Variants in AGBL1 observed in about 807,000 individuals in gnomAD.
The protein encoded by AGBL1 is cytosolic carboxypeptidase 4.
A neutral mutation model predicts 118.9 loss-of-function variants in AGBL1; 130 were observed. The ratio of observed to expected loss-of-function variants is 1.09; its 90% CI spans 0.95 to 1.26. The LOEUF (loss-of-function observed/expected upper bound fraction) is 1.26. Ranked by LOEUF, AGBL1 falls within the 50% of genes most tolerant of loss-of-function variation. AGBL1 has a pLI of 0.00. For synonymous variants in AGBL1, 555 were observed against 478.9 expected, an observed-to-expected ratio of 1.16 and a Z score of -2.08; for missense variants, 1,584 against 1,298.1, an observed-to-expected ratio of 1.22 and a Z score of -3.38.
At chr15:86,670,458 G>T (rs2085720930) in intron 21 of AGBL1, among the ~76,000 whole-genome samples, 1 of 151,774 alleles carries the variant, frequency 6.6e-6, no homozygotes, top group South Asian at 2.1e-4. Context: ...ACAAAAATTA[G>T]CTGGGTGTGG....
In AGBL1 at chr15:86,143,778, G is replaced by A. The variant is rs932726397; in HGVS notation, c.195G>A (p.Arg65=). 3.1e-6 allele frequency: 5 copies of A among 1,613,918 alleles called. No individual in the cohort carries two copies. In the African/African-American group the frequency reaches 4.0e-5, roughly 13 times the overall value. ...ALLQTLVDTA[R]TAPPDYDILL... ...TGCAGACCCTGGTAGACACAGCGAGGACAGCTCCTCCAGACTATGACATCC... is the reference window on the plus strand; with the variant it reads ...TGCAGACCCTGGTAGACACAGCGAGAACAGCTCCTCCAGACTATGACATCC... Residue 65 remains arginine (R), a synonymous_variant, in exon 3 of 23, where the codon AGG becomes AGA. Coordinates refer to ENST00000614907, the MANE Select transcript of AGBL1 (RefSeq NM_001386094.1).
At chr15:86,278,168 A>G (rs2079287752) in intron 15 of AGBL1, among the ~76,000 whole-genome samples, 1 of 152,218 alleles carries the variant, frequency 6.6e-6, no homozygotes, top group African/African-American at 2.4e-5. Context: ...AGTAGACCTA[A>G]TTAGCCATTG....
intron 1 of AGBL1, among the ~76,000 whole-genome samples, chr15:86,084,660 A>T (rs181480798): frequency 1.3e-5 from 2 of 152,312 alleles, no homozygotes; most frequent in East Asian, 3.9e-4. Flanking sequence ...GGCAATATGA[A>T]TTTTCTACAG....
At chr15:86,788,921 G>C (rs2078453252) in intron 22 of AGBL1, among the ~76,000 whole-genome samples, 1 of 152,212 alleles carries the variant, frequency 6.6e-6, no homozygotes, top group Non-Finnish European at 1.5e-5. Context: ...GGGGTTCACA[G>C]ATAAGCACAA....
intron 24 of AGBL1, chr15:87,028,812 T>C (rs2081759549): frequency 1.2e-6 from 2 of 1,604,264 alleles, no homozygotes; most frequent in Non-Finnish European, 1.7e-6. Context: ...ATATATTTCT[T>C]ATTCCTTCTC....
chr15:86,930,886 G>A (rs1315733207), intron 23 of AGBL1, among the ~76,000 whole-genome samples: 1 of 152,182 alleles, frequency 6.6e-6, no homozygotes, highest in Non-Finnish European at 1.5e-5. Flanking sequence ...AGTCAAGGAA[G>A]TTAGAGTTGC....
intron 5 of AGBL1, among the ~76,000 whole-genome samples, chr15:86,201,181 G>A (rs2077901604): frequency 6.6e-6 from 1 of 152,024 alleles, no homozygotes; most frequent in African/African-American, 2.4e-5. Flanking sequence ...AATAGTCCAG[G>A]CTACCAGTGT....
intron 9 of AGBL1, among the ~76,000 whole-genome samples, chr15:86,260,119 TGA>T (rs1341246494): frequency 6.6e-6 from 1 of 152,180 alleles, no homozygotes; most frequent in Non-Finnish European, 1.5e-5. Flanking sequence ...GAGAGGAGCA[TGA>T]GAGTCAGGGC....
At chr15:86,828,714 T>C (rs2079064785) in intron 22 of AGBL1, among the ~76,000 whole-genome samples, 1 of 152,062 alleles carries the variant, frequency 6.6e-6, no homozygotes, top group Non-Finnish European at 1.5e-5. Flanking sequence ...TTCAGAAATA[T>C]AACAGAATAC....
intron 22 of AGBL1, among the ~76,000 whole-genome samples, chr15:86,757,162 T>G (rs1403052115): frequency 6.6e-6 from 1 of 152,102 alleles, no homozygotes; most frequent in Non-Finnish European, 1.5e-5. Flanking sequence ...TAACATTAGA[T>G]GCTGACTTCT....
At chr15:86,983,726 A>G (rs2081253532) in intron 23 of AGBL1, among the ~76,000 whole-genome samples, 2 of 152,182 alleles carry the variant, frequency 1.3e-5, no homozygotes, top group Admixed American at 6.5e-5. Flanking sequence ...TCAAACAACC[A>G]GTATCAGCTG....
At chr15:86,394,534 A>G (rs1382752721) in intron 17 of AGBL1, among the ~76,000 whole-genome samples, 2 of 152,100 alleles carry the variant, frequency 1.3e-5, no homozygotes, top group Admixed American at 6.6e-5. Flanking sequence ...TAGCAAAAAC[A>G]TGAGTACAGT....
intron 22 of AGBL1, among the ~76,000 whole-genome samples, chr15:86,770,749 A>G (rs981247592): frequency 2.6e-5 from 4 of 151,972 alleles, no homozygotes; most frequent in Admixed American, 2.0e-4. Flanking sequence ...ATTTCCTGCT[A>G]GAGAACTTTG....
intron 24 of AGBL1, among the ~76,000 whole-genome samples, chr15:86,992,774 C>G (rs1372757245): frequency 1.3e-5 from 2 of 150,612 alleles, no homozygotes; most frequent in Non-Finnish European, 2.9e-5. Flanking sequence ...TGCTCAATAT[C>G]AACAATGCCT....
At chr15:86,095,532 C>A (rs1033669476) in intron 1 of AGBL1, among the ~76,000 whole-genome samples, 5 of 151,542 alleles carry the variant, frequency 3.3e-5, no homozygotes, top group Admixed American at 3.3e-4. Flanking sequence ...AATATTATAA[C>A]AAAAGATACT....
At chr15:86,154,849 G>A (rs541706974) in intron 4 of AGBL1, among the ~76,000 whole-genome samples, 8 of 150,966 alleles carry the variant, frequency 5.3e-5, no homozygotes, top group South Asian at 2.1e-4. Flanking sequence ...TTTTCTATTC[G>A]TACTACAAGG....
Position 86,634,988 on chromosome 15 carries a change from C to T in AGBL1, c.2995-39285C>T, listed in dbSNP as rs889225308. ...GTACCCTCATGGTGTCTAAAGGGAA[C>T]GCCACTAGATGTATATTGAAAAATG... is the stretch of plus-strand genomic sequence containing the variant. On this transcript the variant is annotated intron_variant, in intron 21 of 22. Transcript: ENST00000614907. Among the ~76,000 whole-genome samples the T allele has an allele frequency of 1.1e-4, 16 of 151,846 alleles. No individual in the cohort carries two copies. The South Asian group carries it at 1.2e-3, about 12-fold the overall frequency.
intron 21 of AGBL1, among the ~76,000 whole-genome samples, chr15:86,585,137 A>G (rs1375399519): frequency 1.3e-5 from 2 of 152,130 alleles, no homozygotes; most frequent in African/African-American, 2.4e-5. Flanking sequence ...AAGAGAGATA[A>G]TTTGACTTCT....
At chr15:86,762,924 G>T (rs185142497) in intron 22 of AGBL1, among the ~76,000 whole-genome samples, 1 of 151,936 alleles carries the variant, frequency 6.6e-6, no homozygotes, top group East Asian at 2.0e-4. Flanking sequence ...GCTTTGCCTC[G>T]GGTGGGTAGA....
Sources: gnomAD v4.1 joint callset for allele counts (sites outside exome capture counted in the v4.1 genomes callset) on GRCh38, gnomAD v4.1.1 for gene constraint, MANE v1.5 for transcripts, NCBI Gene and HGNC (gene_info 2026-07-23, HGNC 2026-07-21) for gene names.